Variants in ERC2 observed in about 807,000 individuals in gnomAD.
ERC2 encodes ERC protein 2.
Under a neutral mutation model 114.8 loss-of-function variants are expected in ERC2, and 42 were observed. The ratio of observed to expected loss-of-function variants is 0.37; its 90% confidence interval spans 0.29 to 0.47. The LOEUF is 0.47. Among genes scored for constraint, ERC2 ranks in the 20% least tolerant of loss-of-function variants. The pLI is 0.99. For synonymous variants in ERC2, 454 were observed against 425.5 expected (o/e 1.07, Z -0.82); for missense variants, 939 against 1,150.7 (o/e 0.82, Z 2.66).
chr3:55,969,716 G>A (rs906921603), intron 12 of ERC2, among the ~76,000 whole-genome samples: 2 of 152,208 alleles, frequency 1.3e-5, no homozygotes, highest in South Asian at 4.1e-4. Flanking sequence ...ACAGAAGGCT[G>A]TAGTGCTTGG....
intron 15 of ERC2, among the ~76,000 whole-genome samples, chr3:55,732,939 C>A (rs1056319804): frequency 6.6e-6 from 1 of 152,028 alleles, no homozygotes; most frequent in African/African-American, 2.4e-5. Context: ...CTCTTATGCA[C>A]CCCCACCCCC....
At chr3:56,344,646 C>A (rs2058236356) in intron 2 of ERC2, among the ~76,000 whole-genome samples, 1 of 152,196 alleles carries the variant, frequency 6.6e-6, no homozygotes, top group South Asian at 2.1e-4. Context: ...TAGCAAGCCA[C>A]CCCCAACATT....
At chr3:56,292,257 T>A (rs913577124) in intron 3 of ERC2, among the ~76,000 whole-genome samples, 1 of 152,088 alleles carries the variant, frequency 6.6e-6, no homozygotes, top group Non-Finnish European at 1.5e-5. Flanking sequence ...ATGGCTGTTC[T>A]GCCAAGCACA....
intron 7 of ERC2, among the ~76,000 whole-genome samples, chr3:56,032,858 GGAAAGAAAGAAAGAAA>G (rs149220809): frequency 1.6e-4 from 11 of 68,926 alleles, no homozygotes; most frequent in African/African-American, 4.9e-4. Flanking sequence ...AAGAAAGAAA[GGAAAGAAAGAAAGAAA>G]GAAAGAAAGA....
At chr3:55,829,066 G>C (rs2060458739) in intron 14 of ERC2, among the ~76,000 whole-genome samples, 2 of 152,142 alleles carry the variant, frequency 1.3e-5, no homozygotes, top group Non-Finnish European at 2.9e-5. Flanking sequence ...AGGAAGTTGA[G>C]GCTGCACTGA....
intron 17 of ERC2, among the ~76,000 whole-genome samples, chr3:55,553,624 C>T (rs920546918): frequency 6.6e-6 from 1 of 151,902 alleles, no homozygotes; most frequent in African/African-American, 2.4e-5. Context: ...ACTAAAAATA[C>T]AAAAAATTAG....
chr3:55,515,328 C>CTGGG (rs1178670401), intron 17 of ERC2, among the ~76,000 whole-genome samples: 1 of 152,008 alleles, frequency 6.6e-6, no homozygotes, highest in Non-Finnish European at 1.5e-5. Context: ...ATATTTATCT[C>CTGGG]TGGGTGGTGG....
intron 14 of ERC2, among the ~76,000 whole-genome samples, chr3:55,882,558 T>C (rs1215547881): frequency 6.6e-6 from 1 of 152,206 alleles, no homozygotes; most frequent in African/African-American, 2.4e-5. Context: ...GCACTGAACA[T>C]GTACAGACTT....
intron 2 of ERC2, among the ~76,000 whole-genome samples, chr3:56,361,320 G>A (rs552359770): frequency 6.6e-6 from 1 of 152,114 alleles, no homozygotes; most frequent in Admixed American, 6.5e-5. Context: ...GAAACATGAA[G>A]AAAAGATGAT....
intron 14 of ERC2, among the ~76,000 whole-genome samples, chr3:55,827,963 G>A (rs933162708): frequency 8.5e-5 from 13 of 152,216 alleles, no homozygotes; most frequent in Admixed American, 2.0e-4. Flanking sequence ...TGTTCAGCAC[G>A]TCCATCGCCA....
chr3:55,557,486 T>A (rs1312695207), intron 17 of ERC2, among the ~76,000 whole-genome samples: 1 of 152,188 alleles, frequency 6.6e-6, no homozygotes, highest in Non-Finnish European at 1.5e-5. Flanking sequence ...ACAACAGATA[T>A]CAGCCTGCAA....
At chr3:55,649,999 C>T (rs1464209750) in intron 17 of ERC2, among the ~76,000 whole-genome samples, 3 of 152,206 alleles carry the variant, frequency 2.0e-5, no homozygotes, top group Admixed American at 1.3e-4. Flanking sequence ...TCCTGAATCC[C>T]GGCTCAGCCC....
At chr3:55,684,150 T>G (rs1254690715) in intron 16 of ERC2, among the ~76,000 whole-genome samples, 1 of 152,214 alleles carries the variant, frequency 6.6e-6, no homozygotes, top group Non-Finnish European at 1.5e-5. Flanking sequence ...TTAGTCTACA[T>G]TAGCAGATGA....
intron 4 of ERC2, among the ~76,000 whole-genome samples, chr3:56,159,749 C>T (rs1418887638): frequency 6.6e-6 from 1 of 152,126 alleles, no homozygotes; most frequent in African/African-American, 2.4e-5. Context: ...TAAGTGAGAA[C>T]GTGCAGTATT....
In ERC2 at chr3:56,117,793, T is replaced by A. The variant is rs548053151; in HGVS notation, c.1473+21716A>T. Among the ~76,000 whole-genome samples, 5 of 152,340 alleles carry A rather than the reference T, an allele frequency of 3.3e-5. No homozygotes were observed. In the East Asian group the frequency reaches 5.8e-4, roughly 18 times the overall value. ...TCTGTAAAAGGAGTTCATCCTTGTC[T>A]ACACTGTATTGTCACTTCAGCATCC... On this transcript the variant is annotated intron_variant, in intron 6 of 17. Coordinates refer to ENST00000288221, the MANE Select transcript of ERC2 (RefSeq NM_015576.3).
chr3:56,009,706 C>T (rs1354397475), intron 9 of ERC2, among the ~76,000 whole-genome samples: 1 of 152,120 alleles, frequency 6.6e-6, no homozygotes, highest in Non-Finnish European at 1.5e-5. Flanking sequence ...GTAATTACTG[C>T]TGCTCATACT....
intron 12 of ERC2, among the ~76,000 whole-genome samples, chr3:55,970,725 T>C (rs2069094464): frequency 6.6e-6 from 1 of 152,096 alleles, no homozygotes; most frequent in Admixed American, 6.6e-5. Flanking sequence ...TTTAGAACAA[T>C]TATTTATTGC....
At chr3:56,130,771 T>C (rs563336495) in intron 6 of ERC2, among the ~76,000 whole-genome samples, 202 of 152,334 alleles carry the variant, frequency 1.3e-3, no homozygotes, top group African/African-American at 4.6e-3. Context: ...AGCAATAGCA[T>C]GAGGCCACTC....
intron 14 of ERC2, among the ~76,000 whole-genome samples, chr3:55,769,886 G>C (rs1310483198): frequency 6.6e-6 from 1 of 152,172 alleles, no homozygotes; most frequent in Non-Finnish European, 1.5e-5. Flanking sequence ...TCTTGTGGCA[G>C]ATCATGTTGT....
Sources: gnomAD v4.1 joint callset for allele counts (sites outside exome capture counted in the v4.1 genomes callset) on GRCh38, gnomAD v4.1.1 for gene constraint, MANE v1.5 for transcripts, NCBI Gene and HGNC (gene_info 2026-07-23, HGNC 2026-07-21) for gene names.